CTDP1: variants seen among roughly 807,000 people sequenced by gnomAD.
CTDP1 encodes the protein CTD phosphatase 1, also known as RNA polymerase II subunit A C-terminal domain phosphatase.
A neutral mutation model predicts 91.8 loss-of-function variants in CTDP1; 47 were observed. The observed-to-expected ratio is 0.51, with a 90% CI of 0.41 to 0.65. The LOEUF is 0.65. Ranked by LOEUF, CTDP1 falls within the 30% of genes least tolerant of loss-of-function variation. The pLI is 0.00. For synonymous variants in CTDP1, 656 were observed against 598.5 expected, an observed-to-expected ratio of 1.10 and a Z score of -1.40; for missense variants, 1,272 against 1,373.7, an observed-to-expected ratio of 0.93 and a Z score of 1.17.
At chr18:79,738,258 G>T (rs545918720) in intron 12 of CTDP1, among the ~76,000 whole-genome samples, 70 of 152,356 alleles carry the variant, frequency 4.6e-4, no homozygotes, top group Non-Finnish European at 2.8e-4. Context: ...GCCGTCCGAG[G>T]TAACCTCGGA....
chr18:79,736,696 C>T (rs946764920), intron 12 of CTDP1, among the ~76,000 whole-genome samples, 175 bp downstream of exon 12: 5 of 152,196 alleles, frequency 3.3e-5, no homozygotes, highest in African/African-American at 1.2e-4. Flanking sequence ...TGTCTCCATG[C>T]TGATCCATGT....
intron 12 of CTDP1, among the ~76,000 whole-genome samples, chr18:79,744,281 G>T (rs566562595): frequency 6.6e-6 from 1 of 152,250 alleles, no homozygotes; most frequent in Non-Finnish European, 1.5e-5. Context: ...TCCTGAGGCC[G>T]TGTCACAGGC....
chr18:79,690,673 A>G (rs935855232), intron 1 of CTDP1, among the ~76,000 whole-genome samples: 3 of 152,192 alleles, frequency 2.0e-5, no homozygotes, highest in African/African-American at 7.2e-5. Context: ...CGGGTTTCCC[A>G]GCCTTTGCAC....
At position 79,736,338 on chromosome 18, in the gene CTDP1, T is replaced by G; in HGVS notation, c.2581-17T>G. ...CCCGGGAAGGAGGTCTGTCGCTGAC[T>G]CTTGGCTGTTTGTCAGGTGGACGAC... On this transcript the variant is annotated splice_polypyrimidine_tract_variant and intron_variant, in intron 11 of 12. Transcript: ENST00000613122. 6.5e-7 allele frequency: 1 copy of G among 1,548,996 alleles called. No individual in the cohort carries two copies. Among genetic ancestry groups the G allele is most frequent in the Admixed American group, 2.0e-5 (1 of 51,008 alleles).
intron 12 of CTDP1, among the ~76,000 whole-genome samples, chr18:79,741,192 G>C (rs1291653088): frequency 3.3e-5 from 5 of 150,302 alleles, no homozygotes; most frequent in Non-Finnish European, 7.4e-5. Context: ...TCCCCGTGCG[G>C]TTGATCTGTC....
At chr18:79,681,111 C>A in intron 1 of CTDP1, 1 of 152,514 alleles carries the variant, frequency 6.6e-6, no homozygotes, top group Non-Finnish European at 1.5e-5. Context: ...TCGGCAGCCG[C>A]GGCTCCTCGT....
intron 10 of CTDP1, among the ~76,000 whole-genome samples, chr18:79,721,103 C>T (rs1300343920): frequency 3.3e-5 from 5 of 152,194 alleles, no homozygotes; most frequent in African/African-American, 1.2e-4. Context: ...TAGCTGATCC[C>T]ACACGCTGCC....
chr18:79,747,754 G>A (rs911750962), intron 12 of CTDP1, among the ~76,000 whole-genome samples: 6 of 152,172 alleles, frequency 3.9e-5, no homozygotes, highest in Non-Finnish European at 7.3e-5. Context: ...GTGACGTGGC[G>A]GCCTCACGGT....
At chr18:79,736,563 C>T (rs2086671731) in intron 12 of CTDP1, 42 bp downstream of exon 12, 1 of 1,491,948 alleles carries the variant, frequency 6.7e-7, no homozygotes, top group Non-Finnish European at 9.0e-7. Context: ...GACACGGGCT[C>T]CCGGAGGTGA....
At position 79,754,377 on chromosome 18, in the gene CTDP1, C is replaced by T. The variant is rs559173808; in HGVS notation, c.*587C>T. 7.1e-5 allele frequency: 11 copies of T among 155,996 alleles called. No homozygotes were observed. The highest frequency in any genetic ancestry group is 2.6e-4 in the African/African-American group (11 of 41,608). The allele number at this position is 155,996 out of a possible 1,614,324, so 9.7% of individuals were successfully genotyped here. A position where few individuals can be genotyped will look rare whatever the true frequency, so the allele number is the denominator to read the frequency against. On this transcript the variant is annotated 3_prime_UTR_variant, in exon 13 of 13. Transcript: ENST00000613122. ...TGCCGTCCTCCCACTGGCATCCTGG[C>T]AAGGGGGCGTTGCTTTTCCTGGGCG...
chr18:79,727,151 C>T (rs1267428531), intron 10 of CTDP1, among the ~76,000 whole-genome samples: 1 of 152,120 alleles, frequency 6.6e-6, no homozygotes, highest in Non-Finnish European at 1.5e-5. Context: ...TCTCTGAGAC[C>T]CCAGAGGTGG....
At chr18:79,710,109 T>C (rs1447122214) in intron 5 of CTDP1, among the ~76,000 whole-genome samples, 1 of 152,230 alleles carries the variant, frequency 6.6e-6, no homozygotes, top group Non-Finnish European at 1.5e-5. Context: ...AAATTTTTCA[T>C]GTTAGTAGAA....
chr18:79,739,724 G>T (rs2086736244), intron 12 of CTDP1, among the ~76,000 whole-genome samples: 1 of 152,236 alleles, frequency 6.6e-6, no homozygotes, highest in Non-Finnish European at 1.5e-5. Flanking sequence ...GGAGAATAAA[G>T]TGTCCTGGGA....
intron 11 of CTDP1, among the ~76,000 whole-genome samples, chr18:79,731,284 G>A (rs898506095): frequency 2.0e-4 from 30 of 152,202 alleles, no homozygotes; most frequent in African/African-American, 3.1e-4. Flanking sequence ...CATTTCCGGC[G>A]CGTCAGTGTG....
chr18:79,714,040 G>A (rs79801774), intron 7 of CTDP1, among the ~76,000 whole-genome samples: 2 of 114,314 alleles, frequency 1.7e-5, no homozygotes, highest in Non-Finnish European at 1.8e-5. Context: ...GCGCCAGGTC[G>A]TCAGGGGCTT....
chr18:79,689,752 A>G (rs900380584), intron 1 of CTDP1, among the ~76,000 whole-genome samples: 4 of 152,340 alleles, frequency 2.6e-5, no homozygotes, highest in Admixed American at 2.0e-4. Flanking sequence ...CTGCACTGCA[A>G]ACTAGGTGAC....
At chr18:79,702,160 T>G (rs558903134) in intron 4 of CTDP1, among the ~76,000 whole-genome samples, 1 of 152,250 alleles carries the variant, frequency 6.6e-6, no homozygotes, top group East Asian at 1.9e-4. Flanking sequence ...AGAGAAACCT[T>G]TTGTGAAAGG....
chr18:79,696,354 A>T (rs1031863490), intron 3 of CTDP1, among the ~76,000 whole-genome samples: 12 of 152,206 alleles, frequency 7.9e-5, no homozygotes, highest in Admixed American at 2.6e-4. Context: ...AGCTGTGAAC[A>T]GCCAGGCTCA....
chr18:79,698,256 T>C (rs757424865), intron 4 of CTDP1, among the ~76,000 whole-genome samples: 4 of 152,110 alleles, frequency 2.6e-5, no homozygotes, highest in East Asian at 3.9e-4. Flanking sequence ...CCCGGCACGA[T>C]GTCGGAGAAG....
Sources: allele counts gnomAD v4.1 joint callset (sites outside exome capture counted in the v4.1 genomes callset), GRCh38; gene constraint gnomAD v4.1.1; transcripts MANE v1.5; gene names NCBI Gene and HGNC (gene_info 2026-07-23, HGNC 2026-07-21).